Variants in DPY19L1 observed in about 807,000 individuals in gnomAD.
DPY19L1 encodes dpy-19 like C-mannosyltransferase 1.
DPY19L1 carries 35 observed loss-of-function variants against 96.9 expected under a neutral mutation model. The ratio of observed to expected loss-of-function variants is 0.36; its 90% CI spans 0.28 to 0.48. DPY19L1 has a LOEUF of 0.48. DPY19L1 is among the 20% of genes least tolerant of loss of function. DPY19L1 has a pLI of 0.99. For synonymous variants in DPY19L1, 205 were observed against 252.6 expected (o/e 0.81, Z 1.79); for missense variants, 521 against 777.9 (o/e 0.67, Z 3.93).
chr7:35,032,624 CACT>C (rs778082776), intron 1 of DPY19L1, among the ~76,000 whole-genome samples: 9 of 152,064 alleles, frequency 5.9e-5, no homozygotes, highest in Non-Finnish European at 8.8e-5. Context: ...CATATCCCAC[CACT>C]GATTGGCATT....
chr7:35,008,264 A>G (rs1295360767), intron 6 of DPY19L1, among the ~76,000 whole-genome samples: 2 of 152,158 alleles, frequency 1.3e-5, no homozygotes, highest in Non-Finnish European at 2.9e-5. Flanking sequence ...ATGCTCTCAG[A>G]GCCCAGAGTT....
chr7:35,009,469 T>C (rs1393542550), intron 6 of DPY19L1, among the ~76,000 whole-genome samples: 1 of 152,212 alleles, frequency 6.6e-6, no homozygotes, highest in African/African-American at 2.4e-5. Flanking sequence ...CTTTTAGTTT[T>C]AGGAATGCTG....
intron 1 of DPY19L1, among the ~76,000 whole-genome samples, chr7:35,033,575 G>T (rs1584267517): frequency 6.6e-6 from 1 of 152,170 alleles, no homozygotes; most frequent in African/African-American, 2.4e-5. Flanking sequence ...TTTTAAGGGT[G>T]AGAAATATTA....
chr7:34,981,459 G>A (rs1178740658), intron 7 of DPY19L1, among the ~76,000 whole-genome samples: 1 of 152,154 alleles, frequency 6.6e-6, no homozygotes, highest in Admixed American at 6.5e-5. Flanking sequence ...ATATTCAAGT[G>A]TCTCAAAGTA....
intron 8 of DPY19L1, among the ~76,000 whole-genome samples, chr7:34,971,700 G>C (rs150147225): frequency 5.3e-4 from 80 of 152,286 alleles, no homozygotes; most frequent in African/African-American, 1.7e-3. Context: ...ACAATGATAA[G>C]AGACTAAAGA....
At chr7:35,003,529 G>C (rs1785480907) in intron 6 of DPY19L1, among the ~76,000 whole-genome samples, 1 of 152,198 alleles carries the variant, frequency 6.6e-6, no homozygotes, top group South Asian at 2.1e-4. Context: ...GCTTTGATAT[G>C]CTCCAGAGAG....
intron 6 of DPY19L1, among the ~76,000 whole-genome samples, chr7:35,003,771 A>G (rs1004907204): frequency 6.6e-6 from 1 of 152,238 alleles, no homozygotes; most frequent in Admixed American, 6.5e-5. Context: ...GCTTTGCCTG[A>G]CAGGCCTCAC....
intron 7 of DPY19L1, among the ~76,000 whole-genome samples, chr7:34,984,805 A>T (rs61344073): frequency 0.19 from 29,198 of 151,034 alleles, 3,188 homozygotes; most frequent in Admixed American, 0.35. Context: ...GACCTACAGA[A>T]ATCTGCTCCC....
At chr7:34,938,246 T>A (rs1783915468) in intron 20 of DPY19L1, 127 bp from the exon 21 acceptor site, 2 of 1,088,454 alleles carry the variant, frequency 1.8e-6, no homozygotes, top group East Asian at 5.2e-5. Flanking sequence ...AAATTCCCCA[T>A]GGAAGTTCCC....
At chr7:34,934,037 C>T (rs1458626789) in intron 21 of DPY19L1, among the ~76,000 whole-genome samples, 3 of 150,492 alleles carry the variant, frequency 2.0e-5, no homozygotes, top group Non-Finnish European at 1.5e-5. Flanking sequence ...GATCTCGGCT[C>T]ACTGCAAGCT....
In DPY19L1 at chr7:35,015,074, T is replaced by C. The variant is rs901793249; in HGVS notation, c.412-1369A>G. ...TAATCTCTGGAACTGTGAGAGAATATATTTCTGCTGTTTTAAGCCACCTAG... is the reference window on the plus strand; with the variant it reads ...TAATCTCTGGAACTGTGAGAGAATACATTTCTGCTGTTTTAAGCCACCTAG... On this transcript the variant is annotated intron_variant, in intron 3 of 21. Coordinates refer to ENST00000638088, the MANE Select transcript of DPY19L1 (RefSeq NM_001366673.1). 3.3e-5 allele frequency among the ~76,000 whole-genome samples: 5 copies of C among 152,158 alleles called. No individual in the cohort carries two copies. The East Asian group carries it at 5.8e-4, about 18-fold the overall frequency.
intron 1 of DPY19L1, 45 bp from the exon 2 acceptor site, chr7:35,018,641 G>A (rs755846564): frequency 6.5e-7 from 1 of 1,536,938 alleles, no homozygotes; most frequent in Non-Finnish European, 9.0e-7. Flanking sequence ...GCATAAACAT[G>A]TTCATCTTAC....
At chr7:35,012,899 T>C (rs562260414) in intron 4 of DPY19L1, among the ~76,000 whole-genome samples, 1,593 of 141,962 alleles carry the variant, frequency 0.011, 37 homozygotes, top group African/African-American at 0.038. Context: ...AAAGTAAAAA[T>C]GCATTATGTA....
At position 34,949,818 on chromosome 7, in the gene DPY19L1, C is replaced by T. The variant is rs750529586; in HGVS notation, c.1401G>A (p.Glu467=). 8 of 1,601,362 alleles carry T rather than the reference C, an allele frequency of 5.0e-6. No homozygotes were observed. The highest frequency in any genetic ancestry group is 6.8e-6 in the Non-Finnish European group (8 of 1,174,088). Residue 467 remains glutamate, a synonymous_variant, in exon 14 of 22, where the codon GAG becomes GAA. Transcript: ENST00000638088. ...TTACCTCTTTTTCCATAAAGTCAAA[C>T]TCCGCTGCACAGGTATACAATAAAG... ...FDTLLYTCAA[E]FDFMEKETPL... is the part of the protein sequence containing the mutation.
At chr7:34,958,424 T>A (rs548186404) in intron 10 of DPY19L1, among the ~76,000 whole-genome samples, 2 of 152,360 alleles carry the variant, frequency 1.3e-5, no homozygotes, top group East Asian at 1.9e-4. Flanking sequence ...TAAGAACTGG[T>A]AAAAGTATTC....
chr7:35,025,679 T>A (rs1786103595), intron 1 of DPY19L1, among the ~76,000 whole-genome samples: 1 of 152,186 alleles, frequency 6.6e-6, no homozygotes, highest in Non-Finnish European at 1.5e-5. Context: ...ATGTCTAATA[T>A]TTACTGAAGG....
At chr7:35,024,964 A>C (rs1276079949) in intron 1 of DPY19L1, among the ~76,000 whole-genome samples, 1 of 152,254 alleles carries the variant, frequency 6.6e-6, no homozygotes, top group South Asian at 2.1e-4. Context: ...GATAAATTAT[A>C]GAATGCACTC....
intron 8 of DPY19L1, 79 bp downstream of exon 8, chr7:34,973,435 T>C: frequency 2.5e-6 from 2 of 795,872 alleles, no homozygotes; most frequent in South Asian, 9.2e-5. Context: ...TTTTATTATG[T>C]TCACTTTATT....
intron 6 of DPY19L1, among the ~76,000 whole-genome samples, chr7:35,002,125 C>CAAA (rs548044939): frequency 2.1e-5 from 1 of 47,078 alleles, no homozygotes. Context: ...GACTCCAGCT[C>CAAA]AAAAAAAAAA....
Sources: allele counts gnomAD v4.1 joint callset (sites outside exome capture counted in the v4.1 genomes callset), GRCh38; gene constraint gnomAD v4.1.1; transcripts MANE v1.5; gene names NCBI Gene and HGNC (gene_info 2026-07-23, HGNC 2026-07-21).